Variants in KANK1 observed in about 807,000 individuals in gnomAD.
The protein encoded by KANK1 is KN motif and ankyrin repeat domains 1.
A neutral mutation model predicts 106.2 loss-of-function variants in KANK1; 109 were observed. The observed-to-expected ratio is 1.03, with a 90% CI of 0.88 to 1.20. KANK1 has a LOEUF of 1.20. Among genes scored for constraint, KANK1 ranks in the 50% most tolerant of loss-of-function variants. The pLI is 0.00. For synonymous variants in KANK1, 873 were observed against 652.2 expected, an observed-to-expected ratio of 1.34 and a Z score of -5.16; for missense variants, 2,399 against 1,710.7, an observed-to-expected ratio of 1.40 and a Z score of -7.10.
At position 712,389 on chromosome 9, in the gene KANK1, C is replaced by A. The variant is rs771339302; in HGVS notation, c.1623C>A (p.Ser541=). 1.9e-6 allele frequency: 3 copies of A among 1,614,006 alleles called. No individual in the cohort carries two copies. Among genetic ancestry groups the A allele is most frequent in the East Asian group, 4.5e-5 (2 of 44,870 alleles). The part of the protein sequence containing the change: ...MDLVDTCVGT[S]VETNSVGISC... ...TGGTGGACACGTGTGTTGGGACCTC[C>A]GTGGAAACAAACAGTGTAGGCATCT... Residue 541 remains serine, a synonymous_variant, in exon 3 of 12, where the codon TCC becomes TCA. Transcript: ENST00000382297.
chr9:633,132 T>G (rs1182247465), intron 1 of KANK1, among the ~76,000 whole-genome samples: 1 of 152,148 alleles, frequency 6.6e-6, no homozygotes, highest in African/African-American at 2.4e-5. Context: ...AAGAAGGATA[T>G]TTAATGAAAC....
At position 597,876 on chromosome 9, in the gene KANK1, G is replaced by T. The variant is rs1443577948; in HGVS notation, c.-83-79014G>T. Among the ~76,000 whole-genome samples the T allele has an allele frequency of 1.3e-5, 2 of 151,492 alleles. 1 individual carries two copies. Among genetic ancestry groups the T allele is most frequent in the African/African-American group, 4.9e-5 (2 of 40,924 alleles). ...AGATGGGGTTTCACCGTGTTGGCCA[G>T]GCTATCTTGAACTCTTGACCTCAGG... On this transcript the variant is annotated intron_variant, in intron 1 of 11. Coordinates refer to ENST00000382297, the MANE Select transcript of KANK1 (RefSeq NM_015158.5).
At position 514,296 on chromosome 9, in the gene KANK1, A is replaced by G. The variant is rs780752455; in HGVS notation, c.-84+9542A>G. Among the ~76,000 whole-genome samples the G allele has an allele frequency of 7.4e-5, 9 of 121,366 alleles. 2 individuals carry two copies. Among genetic ancestry groups the G allele is most frequent in the Admixed American group, 1.6e-4 (2 of 12,628 alleles). 79.6% of individuals were successfully genotyped at this position (121,366 alleles called of 152,430 possible). A position where few individuals can be genotyped will look rare whatever the true frequency, so the allele number is the denominator to read the frequency against. On this transcript the variant is annotated intron_variant, in intron 1 of 11. Transcript: ENST00000382297. ...CCTTCCTTCCTTCCTATTCATCTCA[A>G]TAGAGCTGCTTTTTCCTCTAAAAAT...
rs577588130 is a variant in KANK1, at chr9:646,657, G to C, written c.-83-30233G>C. On this transcript the variant is annotated intron_variant, in intron 1 of 11. Coordinates refer to ENST00000382297, the MANE Select transcript of KANK1 (RefSeq NM_015158.5). ...GTCCCTAGAAACTGGACAGTTTATA[G>C]AGCAGTTCGCCTGATCATTTTTGTT... Among the ~76,000 whole-genome samples, 119 of 150,068 alleles carry C rather than the reference G, an allele frequency of 7.9e-4. 8 individuals carry two copies. Among genetic ancestry groups the C allele is most frequent in the African/African-American group, 2.8e-3 (111 of 39,924 alleles).
rs141832608 is a variant in KANK1 at position 616,558 on chromosome 9, C to T, written c.-83-60332C>T. On this transcript the variant is annotated intron_variant, in intron 1 of 11. Transcript: ENST00000382297. ...CTACCAAATTTCACCACTGGAATTT[C>T]TGAATACTTTATATCCTCTATCCTT... 1.4e-4 allele frequency among the ~76,000 whole-genome samples: 22 copies of T among 152,322 alleles called. 1 individual carries two copies. In the East Asian group the frequency reaches 4.0e-3, roughly 28 times the overall value.
rs147498585 is a variant in KANK1 at position 560,653 on chromosome 9, C to T, written c.-84+55899C>T. Reference sequence around the variant, plus strand: ...TCACCAGATAAAATGTTTGAGTAGCCCTTTCCCAATGTCATGATATTCTAG... The same window carrying T: ...TCACCAGATAAAATGTTTGAGTAGCTCTTTCCCAATGTCATGATATTCTAG... On this transcript the variant is annotated intron_variant, in intron 1 of 11. Transcript: ENST00000382297. Among the ~76,000 whole-genome samples, 569 of 152,132 alleles carry T rather than the reference C, an allele frequency of 3.7e-3. 1 individual carries two copies. The highest frequency in any genetic ancestry group is 0.013 in the African/African-American group (538 of 41,478).
intron 1 of KANK1, among the ~76,000 whole-genome samples, chr9:625,098 C>T (rs559918020): frequency 3.3e-5 from 5 of 152,230 alleles, no homozygotes; most frequent in East Asian, 1.9e-4. Flanking sequence ...CAGTTAGCAC[C>T]GTTAGCGTCC....
chr9:547,917 A>T lies in KANK1; in HGVS notation c.-84+43163A>T, dbSNP rs145093459. ...TGATTATGGCAGTCTTTCATCATGT[A>T]ATTTAAGAAGCCTGAGATCATCTGA... On this transcript the variant is annotated intron_variant, in intron 1 of 11. Coordinates refer to ENST00000382297, the MANE Select transcript of KANK1 (RefSeq NM_015158.5). 3.8e-3 allele frequency among the ~76,000 whole-genome samples: 572 copies of T among 152,304 alleles called. 1 individual carries two copies. Among genetic ancestry groups the T allele is most frequent in the African/African-American group, 0.013 (543 of 41,576 alleles).
chr9:646,357 T>C (rs1391283818), intron 1 of KANK1, among the ~76,000 whole-genome samples: 2 of 150,796 alleles, frequency 1.3e-5, no homozygotes, highest in Non-Finnish European at 2.9e-5. Context: ...TAAGAAAATT[T>C]AAAATAAGTA....
chr9:474,721 C>T (rs1224099646), intron 3 of KANK1, among the ~76,000 whole-genome samples: 1 of 152,164 alleles, frequency 6.6e-6, no homozygotes, highest in Non-Finnish European at 1.5e-5. Flanking sequence ...CTTCCCTCCT[C>T]CCCTGAAATG....
chr9:738,238 G>C, intron 7 of KANK1, 47 bp from the exon 8 acceptor site: 2 of 1,503,036 alleles, frequency 1.3e-6, no homozygotes, highest in Middle Eastern at 1.8e-4. Context: ...CTAGGTCTCA[G>C]AAAGTCTATA....
At chr9:494,507 G>A (rs1040289433) in intron 3 of KANK1, among the ~76,000 whole-genome samples, 1 of 152,162 alleles carries the variant, frequency 6.6e-6, no homozygotes, top group Non-Finnish European at 1.5e-5. Context: ...TATAGCAGAA[G>A]CAATGGTATA....
chr9:580,963 A>G (rs1447591238), intron 1 of KANK1, among the ~76,000 whole-genome samples: 1 of 152,172 alleles, frequency 6.6e-6, no homozygotes, highest in Non-Finnish European at 1.5e-5. Context: ...CAGCGCTGGC[A>G]GGCTGACACT....
At chr9:514,744 A>G (rs2059205414) in intron 1 of KANK1, among the ~76,000 whole-genome samples, 1 of 151,780 alleles carries the variant, frequency 6.6e-6, no homozygotes, top group South Asian at 2.1e-4. Context: ...CAGTACTGTC[A>G]TGAATGATTT....
At position 745,534 on chromosome 9, in the gene KANK1, T is replaced by A. The variant is rs1360836918; in HGVS notation, c.*299T>A. 4.1e-6 allele frequency: 1 copy of A among 241,758 alleles called. No homozygotes were observed. The highest frequency in any genetic ancestry group is 2.2e-5 in the African/African-American group (1 of 44,458). The allele number at this position is 241,758 out of a possible 1,614,324, so 15.0% of individuals were successfully genotyped here. ...TCTGATCTGAAGGGGCACCTTCTGT[T>A]CACTCCCACAAAGTGGTGTCTGGTT... On this transcript the variant is annotated 3_prime_UTR_variant, in exon 12 of 12. Coordinates refer to ENST00000382297, the MANE Select transcript of KANK1 (RefSeq NM_015158.5).
chr9:488,780 T>G (rs941851030), intron 3 of KANK1, among the ~76,000 whole-genome samples: 1 of 152,224 alleles, frequency 6.6e-6, no homozygotes, highest in African/African-American at 2.4e-5. Flanking sequence ...CAGTGTTGTT[T>G]ATTATTATTC....
At chr9:497,497 C>A (rs145934216) in intron 3 of KANK1, among the ~76,000 whole-genome samples, 35 of 152,030 alleles carry the variant, frequency 2.3e-4, no homozygotes, top group African/African-American at 7.5e-4. Context: ...TTCAAGAATT[C>A]TTCTCTCACA....
intron 1 of KANK1, among the ~76,000 whole-genome samples, chr9:507,659 C>T (rs543389605): frequency 1.3e-5 from 2 of 151,226 alleles, no homozygotes; most frequent in East Asian, 2.0e-4. Context: ...TGGGTTCAAG[C>T]GATTCTCGTG....
At chr9:727,385 G>T (rs1292956789) in intron 3 of KANK1, among the ~76,000 whole-genome samples, 1 of 151,714 alleles carries the variant, frequency 6.6e-6, no homozygotes, top group African/African-American at 2.4e-5. Flanking sequence ...GGACGATCTT[G>T]GCTCACTGCA....
Sources: allele counts gnomAD v4.1 joint callset (sites outside exome capture counted in the v4.1 genomes callset), GRCh38; gene constraint gnomAD v4.1.1; transcripts MANE v1.5; gene names NCBI Gene and HGNC (gene_info 2026-07-23, HGNC 2026-07-21).